Variants in DESI2 observed in about 807,000 individuals in gnomAD.
DESI2 encodes the protein desumoylating isopeptidase 2.
DESI2 carries 10 observed loss-of-function variants against 24.1 expected under a neutral mutation model. The observed-to-expected ratio is 0.41, with a 90% CI of 0.26 to 0.70. The LOEUF (loss-of-function observed/expected upper bound fraction) is 0.70, where lower values mean the gene tolerates loss of function less well. DESI2 is among the 30% of genes least tolerant of loss of function. The pLI is 0.29. For missense variants in DESI2, 122 were observed against 234.9 expected, an observed-to-expected ratio of 0.52 and a Z score of 3.14; for synonymous variants, 71 against 87.7, an observed-to-expected ratio of 0.81 and a Z score of 1.06.
chr1:244,672,760 C>T (rs186106496), intron 1 of DESI2, among the ~76,000 whole-genome samples: 16 of 152,112 alleles, frequency 1.1e-4, no homozygotes, highest in Admixed American at 9.2e-4. Flanking sequence ...GCCTGTAATC[C>T]CAGCTACTCT....
At chr1:244,683,390 C>T (rs1228429005) in intron 1 of DESI2, among the ~76,000 whole-genome samples, 1 of 152,028 alleles carries the variant, frequency 6.6e-6, no homozygotes, top group Non-Finnish European at 1.5e-5. Context: ...CGGCTCACTG[C>T]AAGCTCCGCC....
rs1468697039 is a variant in DESI2 at position 244,707,625 on chromosome 1, A to G, written c.*1836A>G. On this transcript the variant is annotated 3_prime_UTR_variant, in exon 5 of 5. Transcript: ENST00000302550. Reference sequence around the variant, plus strand: ...ACGGTTAGTACAAAGCCTTGGATACAGTTTGCTTGTAATATTTTTAATAAT... The same window carrying G: ...ACGGTTAGTACAAAGCCTTGGATACGGTTTGCTTGTAATATTTTTAATAAT... The G allele has an allele frequency of 6.6e-6, 1 of 152,240 alleles. No homozygotes were observed. Among genetic ancestry groups the G allele is most frequent in the African/African-American group, 2.4e-5 (1 of 41,444 alleles). 9.4% of individuals were successfully genotyped at this position (152,240 alleles called of 1,614,324 possible).
In DESI2 at chr1:244,674,219, G is replaced by A. The variant is rs149734032; in HGVS notation, c.43-12378G>A. ...TCACCATATTGGTCAGGCTGGTCTCGAACTCCTCACCTCAGGTGATCCACC... is the reference window on the plus strand; with the variant it reads ...TCACCATATTGGTCAGGCTGGTCTCAAACTCCTCACCTCAGGTGATCCACC... On this transcript the variant is annotated intron_variant, in intron 1 of 4. Transcript: ENST00000302550. Among the ~76,000 whole-genome samples, 125 of 151,860 alleles carry A rather than the reference G, an allele frequency of 8.2e-4. 1 individual carries two copies. Among genetic ancestry groups the A allele is most frequent in the African/African-American group, 2.8e-3 (118 of 41,432 alleles).
rs1290415204 is a variant in DESI2 at position 244,708,853 on chromosome 1, C to CA, written c.*3067dup. The CA allele has an allele frequency of 1.3e-5, 2 of 152,558 alleles. No individual in the cohort carries two copies. The highest frequency in any genetic ancestry group is 3.8e-4 in the East Asian group (2 of 5,200). The allele number at this position is 152,558 out of a possible 1,614,324, so 9.5% of individuals were successfully genotyped here. ...ACTGTTTGAAAAGTGTTACAGCTGT[C>CA]AAAGAATCTTCATGGACCTGAAGAT... On this transcript the variant is annotated 3_prime_UTR_variant, in exon 5 of 5. Transcript: ENST00000302550.
intron 1 of DESI2, among the ~76,000 whole-genome samples, chr1:244,676,916 TAA>T (rs1175384804): frequency 2.6e-5 from 2 of 77,096 alleles, no homozygotes; most frequent in African/African-American, 8.7e-5. Flanking sequence ...TATATTACAT[TAA>T]TTTTTTTTTT....
intron 4 of DESI2, chr1:244,694,373 C>G (rs1188979256): frequency 4.8e-6 from 3 of 623,892 alleles, no homozygotes; most frequent in Non-Finnish European, 9.1e-6. Context: ...CTTTAGTATT[C>G]ATAAAATTTT....
rs1675532577 is a variant in DESI2 at position 244,653,447 on chromosome 1, C to G, written c.42+92C>G. Reference sequence around the variant, plus strand: ...GACCCCGGCCCCAGGCGCTTCCTGCCTGGCGTCTCCGCCTCCAGCCTAGTT... The same window carrying G: ...GACCCCGGCCCCAGGCGCTTCCTGCGTGGCGTCTCCGCCTCCAGCCTAGTT... On this transcript the variant is annotated intron_variant, in intron 1 of 4. Transcript: ENST00000302550. 9.0e-6 allele frequency: 12 copies of G among 1,336,510 alleles called. No individual in the cohort carries two copies. In the South Asian group the frequency reaches 1.4e-4, roughly 15 times the overall value. The allele number at this position is 1,336,510 out of a possible 1,614,324, so 82.8% of individuals were successfully genotyped here.
Position 244,653,177 on chromosome 1 carries a change from G to T in DESI2, c.-137G>T. The T allele has an allele frequency of 4.6e-6, 4 of 871,862 alleles. No individual in the cohort carries two copies. The South Asian group carries it at 1.5e-4, about 32-fold the overall frequency. 54.0% of individuals were successfully genotyped at this position (871,862 alleles called of 1,614,324 possible). On this transcript the variant is annotated 5_prime_UTR_variant, in exon 1 of 5. Coordinates refer to ENST00000302550, the MANE Select transcript of DESI2 (RefSeq NM_016076.5). ...AGCGGCTCGGCTGCCCGATGCTTCC[G>T]CCCCGGCTGCCGCGGGCCGGGCTGT...
At chr1:244,662,615 A>G (rs1474266596) in intron 1 of DESI2, among the ~76,000 whole-genome samples, 1 of 152,214 alleles carries the variant, frequency 6.6e-6, no homozygotes, top group East Asian at 1.9e-4. Flanking sequence ...TAAAGCTAAT[A>G]AAATATATAT....
chr1:244,673,190 C>A (rs1303020667), intron 1 of DESI2, among the ~76,000 whole-genome samples: 1 of 152,206 alleles, frequency 6.6e-6, no homozygotes, highest in South Asian at 2.1e-4. Context: ...AAAGATTGAG[C>A]CTTCCAGGCG....
At chr1:244,684,932 C>T (rs1676762950) in intron 1 of DESI2, among the ~76,000 whole-genome samples, 1 of 152,142 alleles carries the variant, frequency 6.6e-6, no homozygotes, top group South Asian at 2.1e-4. Flanking sequence ...AATCTTACTA[C>T]TCTCCTTCCA....
chr1:244,671,772 T>A (rs748014563), intron 1 of DESI2, among the ~76,000 whole-genome samples: 1 of 152,240 alleles, frequency 6.6e-6, no homozygotes, highest in Non-Finnish European at 1.5e-5. Context: ...TTGTTTTGCA[T>A]GTTTATAATA....
At chr1:244,697,449 C>A (rs1241320835) in intron 4 of DESI2, among the ~76,000 whole-genome samples, 1 of 145,976 alleles carries the variant, frequency 6.9e-6, no homozygotes, top group East Asian at 2.0e-4. Flanking sequence ...TGCACTCCAA[C>A]CTGGGTGACA....
intron 1 of DESI2, among the ~76,000 whole-genome samples, chr1:244,658,607 C>G (rs1675731937): frequency 6.6e-6 from 1 of 152,318 alleles, no homozygotes; most frequent in Non-Finnish European, 1.5e-5. Context: ...AGATGGTGTT[C>G]TAGAAATATC....
chr1:244,694,409 C>T (rs1172752734), intron 4 of DESI2: 4 of 700,454 alleles, frequency 5.7e-6, no homozygotes, highest in Non-Finnish European at 1.1e-5. Context: ...ACATCTATTG[C>T]ATTACTCATC....
rs1675523170 is a variant in DESI2, at chr1:244,653,264, C to G, written c.-50C>G. ...GCGGGGGTGAGAGCGGCCTCCGGCC[C>G]CGCGGAGACGGAGCGGCTTGAGGAC... is the stretch of plus-strand genomic sequence containing the variant. On this transcript the variant is annotated 5_prime_UTR_variant, in exon 1 of 5. Coordinates refer to ENST00000302550, the MANE Select transcript of DESI2 (RefSeq NM_016076.5). 1 of 1,462,952 alleles carries G rather than the reference C, an allele frequency of 6.8e-7. No homozygotes were observed. The allele number at this position is 1,462,952 out of a possible 1,614,324, so 90.6% of individuals were successfully genotyped here.
intron 1 of DESI2, among the ~76,000 whole-genome samples, chr1:244,665,509 TTTTCTGTGACTA>T (rs900766318): frequency 3.2e-4 from 49 of 152,188 alleles, no homozygotes; most frequent in African/African-American, 1.2e-3. Context: ...CTCCTAAATC[TTTTCTGTGACTA>T]TTTCTGTCAT....
chr1:244,680,950 T>A (rs554439397), intron 1 of DESI2, among the ~76,000 whole-genome samples: 1,223 of 12,162 alleles, frequency 0.1, 11 homozygotes, highest in Middle Eastern at 0.2. Flanking sequence ...TCCTTTTACT[T>A]TTTTTTTTTT....
chr1:244,655,020 G>T (rs1023525184), intron 1 of DESI2, among the ~76,000 whole-genome samples: 5 of 152,170 alleles, frequency 3.3e-5, no homozygotes, highest in African/African-American at 1.2e-4. Context: ...AAACGAAAAT[G>T]CATGTTTTGG....
Sources: allele counts gnomAD v4.1 joint callset (sites outside exome capture counted in the v4.1 genomes callset), GRCh38; gene constraint gnomAD v4.1.1; transcripts MANE v1.5; gene names NCBI Gene and HGNC (gene_info 2026-07-23, HGNC 2026-07-21).